Variants in FAR1 observed in about 807,000 individuals in gnomAD.
FAR1 encodes fatty acyl-CoA reductase 1.
Under a neutral mutation model 61.1 loss-of-function variants are expected in FAR1, and 22 were observed. The observed-to-expected ratio is 0.36, with a 90% CI of 0.26 to 0.51. FAR1 has a LOEUF of 0.51. Among genes scored for constraint, FAR1 ranks in the 20% least tolerant of loss-of-function variants. The probability of loss-of-function intolerance (pLI) is 0.95; values close to 1 mark genes in which losing one functional copy is unlikely to be tolerated. For missense variants in FAR1, 359 were observed against 626.9 expected (o/e 0.57, Z 4.56); for synonymous variants, 206 against 209.7 (o/e 0.98, Z 0.15).
In FAR1 at chr11:13,721,968, A is replaced by G. The variant is rs896251363; in HGVS notation, c.1257+109A>G. On this transcript the variant is annotated intron_variant, in intron 10 of 11. Coordinates refer to ENST00000354817, the MANE Select transcript of FAR1 (RefSeq NM_032228.6). This position sits in a 1 kb window ranked among gnomAD's most constrained non-coding sequence, Gnocchi z 4.2. ...ACAGCTATTATGCAACAAGTAAGCC[A>G]TTATTTATAGTCTCTCATAAAGCTT... 36 of 857,210 alleles carry G rather than the reference A, an allele frequency of 4.2e-5. No homozygotes were observed. Among genetic ancestry groups the G allele is most frequent in the Non-Finnish European group, 6.0e-5 (35 of 579,818 alleles). The allele number at this position is 857,210 out of a possible 1,614,324, so 53.1% of individuals were successfully genotyped here. A position where few individuals can be genotyped will look rare whatever the true frequency, so the allele number is the denominator to read the frequency against.
At chr11:13,674,344 T>C (rs1372575075) in intron 1 of FAR1, among the ~76,000 whole-genome samples, 1 of 151,714 alleles carries the variant, frequency 6.6e-6, no homozygotes, top group East Asian at 1.9e-4. Flanking sequence ...AAAATTCAAA[T>C]TGAACTGTGA....
In FAR1 at chr11:13,710,789, T is replaced by G. The variant is rs750654745; in HGVS notation, c.642T>G (p.Val214=). 42 of 1,613,096 alleles carry G rather than the reference T, an allele frequency of 2.6e-5. No individual in the cohort carries two copies. Among genetic ancestry groups the G allele is most frequent in the Non-Finnish European group, 3.4e-5 (40 of 1,179,550 alleles). Residue 214 remains valine, a synonymous_variant, in exon 5 of 12, where the codon GTT becomes GTG. Transcript: ENST00000354817. ...YIYTKALAEY[V]VQQEGAKLNV... is the part of the protein sequence containing the mutation. ...ACACAAAAGCATTGGCAGAATATGT[T>G]GTACAACAAGAAGGAGCAAAACTAA...
chr11:13,671,105 G>T (rs952735991), intron 1 of FAR1, among the ~76,000 whole-genome samples: 25 of 152,148 alleles, frequency 1.6e-4, no homozygotes, highest in Admixed American at 9.2e-4. Flanking sequence ...GATCACATTT[G>T]CCCTTAGTAT....
intron 3 of FAR1, among the ~76,000 whole-genome samples, chr11:13,703,592 G>A (rs1008890488): frequency 6.6e-6 from 1 of 152,138 alleles, no homozygotes; most frequent in Admixed American, 6.6e-5. Flanking sequence ...CCATAATGTA[G>A]GATAGAAAAT....
chr11:13,674,329 A>C (rs567577679), intron 1 of FAR1, among the ~76,000 whole-genome samples: 1 of 152,044 alleles, frequency 6.6e-6, no homozygotes, highest in Non-Finnish European at 1.5e-5. Context: ...AAAAAAGAAA[A>C]AAAGAAAATT....
chr11:13,689,406 A>C (rs1591259130), intron 1 of FAR1, among the ~76,000 whole-genome samples: 1 of 152,150 alleles, frequency 6.6e-6, no homozygotes, highest in Admixed American at 6.5e-5. Context: ...AGTAGTACAC[A>C]CTTTTTTACC....
At position 13,686,584 on chromosome 11, in the gene FAR1, G is replaced by C. The variant is rs568527338; in HGVS notation, c.-7-8175G>C. 3.3e-5 allele frequency: 5 copies of C among 152,186 alleles called. No individual in the cohort carries two copies. The East Asian group carries it at 9.6e-4, about 29-fold the overall frequency. The allele number at this position is 152,186 out of a possible 1,614,324, so 9.4% of individuals were successfully genotyped here. A position where few individuals can be genotyped will look rare whatever the true frequency, so the allele number is the denominator to read the frequency against. On this transcript the variant is annotated intron_variant, in intron 1 of 11. Coordinates refer to ENST00000354817, the MANE Select transcript of FAR1 (RefSeq NM_032228.6). The stretch of plus-strand genomic sequence containing the variant: ...GTCAAGTGCAATAGTGAGAAGAAGG[G>C]AACAAGTAGAGCAAAGAGTTCAGTC...
chr11:13,706,495 G>GT (rs1337140242), intron 3 of FAR1, among the ~76,000 whole-genome samples: 6 of 150,680 alleles, frequency 4.0e-5, no homozygotes, highest in Admixed American at 1.3e-4. Context: ...TCGTTTGTTT[G>GT]TTTTTATTTT....
chr11:13,669,505 G>C (rs1847970564), intron 1 of FAR1: 1 of 152,120 alleles, frequency 6.6e-6, no homozygotes, highest in Non-Finnish European at 1.5e-5. Context: ...GGCATTAGTT[G>C]GTCTGTTAGG....
rs760577650 is a variant in FAR1 at position 13,700,375 on chromosome 11, A to G, written c.248A>G (p.Asn83Ser). 4.4e-6 allele frequency: 7 copies of G among 1,602,172 alleles called. No homozygotes were observed. In the Admixed American group the frequency reaches 5.2e-5, roughly 12 times the overall value. Reference protein sequence around the residue: ...PDFREKIIAINSELTQPKLAL... With the variant: ...PDFREKIIAISSELTQPKLAL... ...TTTAGAGAGAAAATTATAGCAATCA[A>G]CAGCGAACTCACCCAACCTAAACTG... is the stretch of plus-strand genomic sequence containing the variant. The change falls in exon 3 of 12, where the codon AAC becomes AGC. Residue 83 changes from asparagine (N) to serine (S), a missense_variant. Asn to Ser is a conservative substitution (Grantham distance 46, BLOSUM62 1). This residue lies in a region of FAR1 where 344 missense variants were observed against 570.3 expected (regional missense o/e 0.60). Transcript: ENST00000354817.
At chr11:13,678,448 T>A (rs2134168481) in intron 1 of FAR1, among the ~76,000 whole-genome samples, 1 of 152,216 alleles carries the variant, frequency 6.6e-6, no homozygotes, top group Non-Finnish European at 1.5e-5. Flanking sequence ...GTATTTTTAG[T>A]AGAGACGGGG....
chr11:13,671,916 A>G (rs1249896368), intron 1 of FAR1, among the ~76,000 whole-genome samples: 1 of 152,350 alleles, frequency 6.6e-6, no homozygotes, highest in East Asian at 1.9e-4. Flanking sequence ...AAGAAGAGCC[A>G]GTGAAGAAAG....
intron 10 of FAR1, among the ~76,000 whole-genome samples, chr11:13,723,964 C>T (rs1848642181): frequency 6.6e-6 from 1 of 152,148 alleles, no homozygotes; most frequent in Non-Finnish European, 1.5e-5. Context: ...ATAATTTAAA[C>T]TTGCAGATGA....
intron 1 of FAR1, 144 bp from the exon 2 acceptor site, chr11:13,694,615 T>C (rs549564720): frequency 1.6e-6 from 1 of 644,380 alleles, no homozygotes; most frequent in Admixed American, 3.2e-5. Context: ...ATAATGAACT[T>C]GAGGTTAGAG....
At position 13,679,178 on chromosome 11, in the gene FAR1, A is replaced by T. The variant is rs145706826; in HGVS notation, c.-8+10372A>T. Among the ~76,000 whole-genome samples, 775 of 149,888 alleles carry T rather than the reference A, an allele frequency of 5.2e-3. 11 individuals are homozygous for T. The highest frequency in any genetic ancestry group is 0.018 in the African/African-American group (734 of 40,656). On this transcript the variant is annotated intron_variant, in intron 1 of 11. Transcript: ENST00000354817. ...TGAAAAGCTCTGTCTTTGGTAGTAC[A>T]GTTAAAATATTAGTATATCTTTGTA...
chr11:13,699,489 T>C (rs1289701833), intron 2 of FAR1, among the ~76,000 whole-genome samples: 2 of 152,248 alleles, frequency 1.3e-5, no homozygotes, highest in African/African-American at 4.8e-5. Flanking sequence ...ATATGTTATA[T>C]AGACTTTCTT....
chr11:13,714,514 C>T lies in FAR1; in HGVS notation c.961C>T (p.His321Tyr). 1 of 1,609,452 alleles carries T rather than the reference C, an allele frequency of 6.2e-7. No individual in the cohort carries two copies. The highest frequency in any genetic ancestry group is 8.5e-7 in the Non-Finnish European group (1 of 1,178,492). Residue 321 changes from histidine to tyrosine, a missense_variant, in exon 9 of 12, where the codon CAT becomes TAT. Coordinates refer to ENST00000354817, the MANE Select transcript of FAR1 (RefSeq NM_032228.6). ...ACACAACTTTTCTTCTTCAGAGTACCATGTAATTTCCACTTTCAAGAGGAA... is the reference window on the plus strand; with the variant it reads ...ACACAACTTTTCTTCTTCAGAGTACTATGTAATTTCCACTTTCAAGAGGAA... ...NPFHWGEVEYHVISTFKRNPL... is the reference protein window; with the variant it reads ...NPFHWGEVEYYVISTFKRNPL...
At chr11:13,722,843 C>CCTCTCTCTCTCT (rs140943706) in intron 10 of FAR1, among the ~76,000 whole-genome samples, 1,472 of 143,032 alleles carry the variant, frequency 0.01, 16 homozygotes, top group Middle Eastern at 0.025. Flanking sequence ...TAGATTTCTC[C>CCTCTCTCTCTCT]CTCTCTCTCT....
chr11:13,708,260 A>G (rs948800240), intron 4 of FAR1, among the ~76,000 whole-genome samples, 181 bp downstream of exon 4: 1 of 151,964 alleles, frequency 6.6e-6, no homozygotes, highest in South Asian at 2.1e-4. Flanking sequence ...GCTACTTAGG[A>G]GGCTGAAGCA....
Sources: gnomAD v4.1 joint callset for allele counts (sites outside exome capture counted in the v4.1 genomes callset) on GRCh38, gnomAD v4.1.1 for gene constraint, gnomAD v4.1.1 regional missense constraint, Gnocchi (gnomAD v3.1) non-coding constraint, MANE v1.5 for transcripts, NCBI Gene and HGNC (gene_info 2026-07-23, HGNC 2026-07-21) for gene names.